The following MAML3 variants were observed in gnomAD, a reference collection of about 807,000 sequenced individuals.
MAML3 encodes the protein mastermind like transcriptional coactivator 3.
Under a neutral mutation model 101.9 loss-of-function variants are expected in MAML3, and 27 were observed. That is an observed-to-expected ratio of 0.27 (90% CI 0.20 to 0.37). MAML3 has a LOEUF of 0.37. Ranked by LOEUF, MAML3 falls within the 10% of genes least tolerant of loss-of-function variation. The pLI is 1.00. For missense variants in MAML3, 1,316 were observed against 1,444.9 expected (o/e 0.91, Z 1.45); for synonymous variants, 501 against 555.9 (o/e 0.90, Z 1.39).
At chr4:139,771,843 T>TA (rs1227151822) in intron 2 of MAML3, among the ~76,000 whole-genome samples, 1 of 151,670 alleles carries the variant, frequency 6.6e-6, no homozygotes, top group Non-Finnish European at 1.5e-5. Flanking sequence ...GGCCCGAGTA[T>TA]CTTCAATTGG....
At chr4:139,787,468 C>A (rs1553956592) in intron 2 of MAML3, among the ~76,000 whole-genome samples, 1 of 152,150 alleles carries the variant, frequency 6.6e-6, no homozygotes, top group South Asian at 2.1e-4. Flanking sequence ...TTCAAAAATG[C>A]CATTTTCCAA....
chr4:140,136,405 G>A (rs1273119254), intron 1 of MAML3, among the ~76,000 whole-genome samples: 3 of 152,160 alleles, frequency 2.0e-5, no homozygotes, highest in African/African-American at 7.2e-5. Flanking sequence ...GACCTCCATT[G>A]TGGATGAGGG....
At chr4:139,913,432 A>G (rs1240601924) in intron 1 of MAML3, among the ~76,000 whole-genome samples, 1 of 152,046 alleles carries the variant, frequency 6.6e-6, no homozygotes, top group Non-Finnish European at 1.5e-5. Context: ...CCTTTTTCTG[A>G]CTTTGGTCTT....
At chr4:139,906,750 T>TA (rs1560832144) in intron 1 of MAML3, among the ~76,000 whole-genome samples, 2 of 152,246 alleles carry the variant, frequency 1.3e-5, no homozygotes, top group African/African-American at 4.8e-5. Flanking sequence ...TTTATGCAGT[T>TA]TCCATTATAA....
At chr4:139,847,665 T>C (rs529816980) in intron 2 of MAML3, among the ~76,000 whole-genome samples, 1 of 152,354 alleles carries the variant, frequency 6.6e-6, no homozygotes, top group African/African-American at 2.4e-5. Flanking sequence ...AAATACTTTC[T>C]AGCTATGCCC....
chr4:140,110,104 C>T (rs1201814824), intron 1 of MAML3, among the ~76,000 whole-genome samples: 1 of 152,178 alleles, frequency 6.6e-6, no homozygotes, highest in Admixed American at 6.5e-5. Context: ...TTGCAGCCAA[C>T]GAATGCACCA....
intron 1 of MAML3, among the ~76,000 whole-genome samples, chr4:140,019,659 T>C (rs746375651): frequency 1.3e-5 from 2 of 152,166 alleles, no homozygotes; most frequent in Non-Finnish European, 2.9e-5. Context: ...CTTAGGCACC[T>C]TTCCAGAAAA....
rs541627884 is a variant in MAML3, at chr4:139,855,960, CCTT to C, written c.2079+33394_2079+33396del. On this transcript the variant is annotated intron_variant, in intron 2 of 4. Coordinates refer to ENST00000509479, the MANE Select transcript of MAML3 (RefSeq NM_018717.5). ...TCTTTAACACTGTTTGGATCCCACTCCTTCTGCTATACACGGACTCAGTCCCCT... is the reference window on the plus strand; with the variant it reads ...TCTTTAACACTGTTTGGATCCCACTCCTGCTATACACGGACTCAGTCCCCT... Among the ~76,000 whole-genome samples the C allele has an allele frequency of 6.2e-4, 94 of 152,360 alleles. 1 individual carries two copies. In the South Asian group the frequency reaches 0.014, roughly 22 times the overall value.
At chr4:139,936,781 C>T (rs1412537738) in intron 1 of MAML3, among the ~76,000 whole-genome samples, 2 of 152,124 alleles carry the variant, frequency 1.3e-5, no homozygotes, top group Non-Finnish European at 1.5e-5. Context: ...TTTATCTTTT[C>T]CCCCAACTCC....
chr4:140,104,414 A>ATATATAATATATTATATAT (rs1728315027), intron 1 of MAML3, among the ~76,000 whole-genome samples: 1 of 21,556 alleles, frequency 4.6e-5, no homozygotes, highest in African/African-American at 1.5e-4. Context: ...ATATAATATA[A>ATATATAATATATTATATAT]TATATAATAT....
chr4:139,727,332 T>C (rs1369354219), intron 3 of MAML3, among the ~76,000 whole-genome samples: 1 of 152,204 alleles, frequency 6.6e-6, no homozygotes, highest in Non-Finnish European at 1.5e-5. Context: ...TAGGCAGCAA[T>C]AGAAGGGCAT....
rs140395620 is a variant in MAML3 at position 140,070,762 on chromosome 4, T to C, written c.468+82098A>G. Among the ~76,000 whole-genome samples, 863 of 152,322 alleles carry C rather than the reference T, an allele frequency of 5.7e-3. 10 individuals carry two copies. Among genetic ancestry groups the C allele is most frequent in the Non-Finnish European group, 6.9e-3 (468 of 68,008 alleles). On this transcript the variant is annotated intron_variant, in intron 1 of 4. Coordinates refer to ENST00000509479, the MANE Select transcript of MAML3 (RefSeq NM_018717.5). ...CCTACCTAAGGCAACTTCTTCATACTTTAGCTTATTATCTTTATTCGAACT... is the reference window on the plus strand; with the variant it reads ...CCTACCTAAGGCAACTTCTTCATACCTTAGCTTATTATCTTTATTCGAACT...
At chr4:139,996,658 C>T (rs11100417) in intron 1 of MAML3, among the ~76,000 whole-genome samples, 152,109 of 152,204 alleles carry the variant, frequency 1, 76,007 homozygotes, top group Middle Eastern at 1. Context: ...TCAAAAGTAA[C>T]GTTTCTATGG....
At chr4:140,067,648 C>T (rs1164781750) in intron 1 of MAML3, among the ~76,000 whole-genome samples, 1 of 151,556 alleles carries the variant, frequency 6.6e-6, no homozygotes, top group Non-Finnish European at 1.5e-5. Flanking sequence ...TAACATAAGT[C>T]TGAATTTCTT....
chr4:140,057,491 C>T (rs561392667), intron 1 of MAML3, among the ~76,000 whole-genome samples: 18 of 152,084 alleles, frequency 1.2e-4, no homozygotes, highest in Non-Finnish European at 2.4e-4. Context: ...TTAAGAGAAA[C>T]GCAATATTCC....
At chr4:139,844,259 G>C (rs1025182250) in intron 2 of MAML3, among the ~76,000 whole-genome samples, 7 of 152,254 alleles carry the variant, frequency 4.6e-5, no homozygotes, top group African/African-American at 1.7e-4. Context: ...AACATCTTAT[G>C]CAATAATGAG....
At chr4:140,012,872 T>C (rs1303943647) in intron 1 of MAML3, among the ~76,000 whole-genome samples, 1 of 152,148 alleles carries the variant, frequency 6.6e-6, no homozygotes, top group Non-Finnish European at 1.5e-5. Flanking sequence ...GTTTCTACCC[T>C]CAAACTCCTT....
intron 1 of MAML3, among the ~76,000 whole-genome samples, chr4:140,143,632 G>A (rs1461195860): frequency 2.6e-5 from 4 of 152,144 alleles, no homozygotes; most frequent in Admixed American, 2.0e-4. Context: ...GTGGTGGCGG[G>A]TGCCTGTAAT....
intron 1 of MAML3, among the ~76,000 whole-genome samples, chr4:140,014,498 A>G (rs947011488): frequency 5.3e-5 from 8 of 152,250 alleles, no homozygotes; most frequent in African/African-American, 1.7e-4. Flanking sequence ...CAGTCATCAG[A>G]AATTAGTCAT....
Sources: gnomAD v4.1 joint callset for allele counts (sites outside exome capture counted in the v4.1 genomes callset) on GRCh38, gnomAD v4.1.1 for gene constraint, MANE v1.5 for transcripts, NCBI Gene and HGNC (gene_info 2026-07-23, HGNC 2026-07-21) for gene names.